HS6ST3: variants seen among roughly 807,000 people sequenced by gnomAD.
HS6ST3 encodes the protein heparan sulfate 6-O-sulfotransferase 3.
HS6ST3 carries 12 observed loss-of-function variants against 36.7 expected under a neutral mutation model. The ratio of observed to expected loss-of-function variants is 0.33; its 90% CI spans 0.21 to 0.53. The LOEUF is 0.53. Among genes scored for constraint, HS6ST3 ranks in the 20% least tolerant of loss-of-function variants. The probability of loss-of-function intolerance (pLI) is 0.95; values close to 1 mark genes in which losing one functional copy is unlikely to be tolerated. For synonymous variants in HS6ST3, 240 were observed against 257.5 expected, an observed-to-expected ratio of 0.93 and a Z score of 0.65; for missense variants, 584 against 640.9, an observed-to-expected ratio of 0.91 and a Z score of 0.96.
At chr13:96,627,842 T>A (rs1387522115) in intron 1 of HS6ST3, among the ~76,000 whole-genome samples, 2 of 151,898 alleles carry the variant, frequency 1.3e-5, no homozygotes, top group African/African-American at 4.8e-5. Flanking sequence ...TTTTATTACC[T>A]TTTAAATGTC....
chr13:96,228,149 A>G (rs1256399358), intron 1 of HS6ST3, among the ~76,000 whole-genome samples: 1 of 152,230 alleles, frequency 6.6e-6, no homozygotes, highest in Non-Finnish European at 1.5e-5. Flanking sequence ...TGTTGTTATG[A>G]TGTGAAACCA....
intron 1 of HS6ST3, among the ~76,000 whole-genome samples, chr13:96,450,610 G>T (rs764497262): frequency 7.2e-5 from 11 of 152,172 alleles, no homozygotes; most frequent in Non-Finnish European, 1.6e-4. Flanking sequence ...AGTTTCACAA[G>T]AAGTTGAGAT....
chr13:96,253,544 G>A (rs1016656902), intron 1 of HS6ST3, among the ~76,000 whole-genome samples: 1 of 152,094 alleles, frequency 6.6e-6, no homozygotes, highest in Non-Finnish European at 1.5e-5. Context: ...CTCCCACAAA[G>A]TACTCTCATC....
At chr13:96,423,054 C>CT (rs1178306703) in intron 1 of HS6ST3, among the ~76,000 whole-genome samples, 17 of 151,862 alleles carry the variant, frequency 1.1e-4, no homozygotes, top group East Asian at 3.9e-4. Flanking sequence ...CATACAAAGC[C>CT]TTTTTTTTCT....
intron 1 of HS6ST3, among the ~76,000 whole-genome samples, chr13:96,338,237 A>C (rs2055111693): frequency 6.6e-6 from 1 of 152,164 alleles, no homozygotes; most frequent in Non-Finnish European, 1.5e-5. Flanking sequence ...TTGAAACTCC[A>C]CAAATGGCCG....
At chr13:96,553,419 ATGAAT>A (rs1310528218) in intron 1 of HS6ST3, among the ~76,000 whole-genome samples, 1 of 152,208 alleles carries the variant, frequency 6.6e-6, no homozygotes, top group Non-Finnish European at 1.5e-5. Context: ...TGGATGGGAT[ATGAAT>A]GGTCCAGAAG....
At chr13:96,495,665 T>C (rs543033119) in intron 1 of HS6ST3, among the ~76,000 whole-genome samples, 1 of 152,312 alleles carries the variant, frequency 6.6e-6, no homozygotes, top group East Asian at 1.9e-4. Flanking sequence ...AATATCATTC[T>C]AGCCTGGGGC....
rs1318099792 is a variant in HS6ST3 at position 96,090,906 on chromosome 13, C to T, written c.44C>T (p.Thr15Ile). Residue 15 changes from threonine (T) to isoleucine (I), a missense_variant, in exon 1 of 2, where the codon ACT becomes ATT. By Grantham distance (89) the Thr-to-Ile change is moderately conservative (BLOSUM62 -1). Coordinates refer to ENST00000376705, the MANE Select transcript of HS6ST3 (RefSeq NM_153456.4). ...AAGTGGCTGCTGACGCCGGTGCTCA[C>T]TCTCCTCTTCGTGGTCATCATGTAC... Reference protein sequence around the residue: ...FNKWLLTPVLTLLFVVIMYQY... With the variant: ...FNKWLLTPVLILLFVVIMYQY... The T allele has an allele frequency of 1.3e-6, 2 of 1,514,020 alleles. No homozygotes were observed. The highest frequency in any genetic ancestry group is 1.8e-6 in the Non-Finnish European group (2 of 1,126,414). The allele number at this position is 1,514,020 out of a possible 1,614,324, so 93.8% of individuals were successfully genotyped here.
chr13:96,311,623 G>T (rs1207427371), intron 1 of HS6ST3, among the ~76,000 whole-genome samples: 1 of 152,148 alleles, frequency 6.6e-6, no homozygotes, highest in Admixed American at 6.6e-5. Context: ...AGGTAAACTG[G>T]ATTTCTGTTG....
At chr13:96,203,848 A>G (rs190148016) in intron 1 of HS6ST3, among the ~76,000 whole-genome samples, 1 of 152,338 alleles carries the variant, frequency 6.6e-6, no homozygotes, top group East Asian at 1.9e-4. Context: ...CCTTTTTGGT[A>G]TTATAAAAGA....
intron 1 of HS6ST3, among the ~76,000 whole-genome samples, chr13:96,197,902 C>T (rs1211066682): frequency 6.6e-6 from 1 of 152,132 alleles, no homozygotes; most frequent in African/African-American, 2.4e-5. Flanking sequence ...GGGCAGTGCC[C>T]CAGTAGGGAC....
At chr13:96,316,423 C>G (rs963606956) in intron 1 of HS6ST3, among the ~76,000 whole-genome samples, 1 of 152,150 alleles carries the variant, frequency 6.6e-6, no homozygotes, top group Admixed American at 6.5e-5. Flanking sequence ...CCAGGGTGCT[C>G]AGCTCCATTG....
chr13:96,748,235 GTACCTC>G (rs1876609816), intron 1 of HS6ST3, among the ~76,000 whole-genome samples: 1 of 152,026 alleles, frequency 6.6e-6, no homozygotes, highest in African/African-American at 2.4e-5. Context: ...AAGATTCTCT[GTACCTC>G]TGCTTGGATC....
chr13:96,452,665 A>T (rs2055733943), intron 1 of HS6ST3, among the ~76,000 whole-genome samples: 1 of 152,140 alleles, frequency 6.6e-6, no homozygotes, highest in Non-Finnish European at 1.5e-5. Context: ...TTATTTAGGG[A>T]AATATGGCTG....
At chr13:96,733,465 G>A (rs192301836) in intron 1 of HS6ST3, among the ~76,000 whole-genome samples, 4 of 152,210 alleles carry the variant, frequency 2.6e-5, no homozygotes, top group African/African-American at 9.6e-5. Flanking sequence ...GTTTAGCCAT[G>A]TTCTCCAGTC....
chr13:96,568,669 G>C (rs1055482268), intron 1 of HS6ST3, among the ~76,000 whole-genome samples: 1 of 152,156 alleles, frequency 6.6e-6, no homozygotes, highest in African/African-American at 2.4e-5. Context: ...TTAGTGAACA[G>C]ATCATATCTG....
At chr13:96,198,050 G>T (rs2054322708) in intron 1 of HS6ST3, among the ~76,000 whole-genome samples, 2 of 152,324 alleles carry the variant, frequency 1.3e-5, no homozygotes, top group South Asian at 4.1e-4. Context: ...CTAGGCAGAG[G>T]TTCCCAAACC....
chr13:96,680,210 C>A lies in HS6ST3; in HGVS notation c.708-152280C>A, dbSNP rs114270902. ...GCCACACAGTCCTTGGCCTCTCAAT[C>A]ATTTTCTGCACTTCCTGATGGCATC... On this transcript the variant is annotated intron_variant, in intron 1 of 1. Transcript: ENST00000376705. 5.5e-3 allele frequency among the ~76,000 whole-genome samples: 842 copies of A among 152,224 alleles called. 9 individuals carry two copies. The highest frequency in any genetic ancestry group is 0.019 in the African/African-American group (770 of 41,546).
intron 1 of HS6ST3, among the ~76,000 whole-genome samples, chr13:96,489,111 C>T (rs1481684767): frequency 6.6e-6 from 1 of 151,976 alleles, no homozygotes; most frequent in Non-Finnish European, 1.5e-5. Flanking sequence ...TTTAGAGTCT[C>T]TAAAATACAT....
Sources: gnomAD v4.1 joint callset for allele counts (sites outside exome capture counted in the v4.1 genomes callset) on GRCh38, gnomAD v4.1.1 for gene constraint, MANE v1.5 for transcripts, NCBI Gene and HGNC (gene_info 2026-07-23, HGNC 2026-07-21) for gene names.